Variants in CFAP70 observed in about 807,000 individuals in gnomAD.
CFAP70 encodes cilia- and flagella-associated protein 70.
In CFAP70, 81 loss-of-function variants were observed where a neutral mutation model predicts 137.6. The ratio of observed to expected loss-of-function variants is 0.59; its 90% CI spans 0.49 to 0.71. CFAP70 has a LOEUF of 0.71. CFAP70 is among the 30% of genes least tolerant of loss of function. The pLI, the probability that CFAP70 is intolerant of heterozygous loss-of-function variation, is 0.00. For synonymous variants in CFAP70, 382 were observed against 423.6 expected, an observed-to-expected ratio of 0.90 and a Z score of 1.20; for missense variants, 976 against 1,226.7, an observed-to-expected ratio of 0.80 and a Z score of 3.05.
chr10:73,328,556 T>C (rs1169872097), intron 8 of CFAP70, among the ~76,000 whole-genome samples: 5 of 146,754 alleles, frequency 3.4e-5, no homozygotes, highest in East Asian at 2.2e-4. Flanking sequence ...ACAGGCAACC[T>C]ACAAAATGGG....
chr10:73,354,820 C>T, exon 2 of CFAP70: 1 of 1,611,612 alleles, frequency 6.2e-7, no homozygotes, highest in East Asian at 2.2e-5. Flanking sequence ...AAAAGTCCCT[C>T]TGTTTTCTTT....
At chr10:73,288,296 T>C (rs1433461252) in intron 19 of CFAP70, among the ~76,000 whole-genome samples, 1 of 152,052 alleles carries the variant, frequency 6.6e-6, no homozygotes, top group Non-Finnish European at 1.5e-5. Flanking sequence ...CTGAATAAAT[T>C]AGGCAATTTT....
intron 26 of CFAP70, 184 bp from the exon 28 acceptor site, chr10:73,254,239 A>G (rs2044243876): frequency 2.5e-6 from 1 of 403,500 alleles, no homozygotes; most frequent in Non-Finnish European, 4.4e-6. Context: ...TGTCCTGGTT[A>G]CATGGATATG....
chr10:73,323,385 C>T (rs2051074621), intron 8 of CFAP70, among the ~76,000 whole-genome samples: 1 of 151,950 alleles, frequency 6.6e-6, no homozygotes, highest in African/African-American at 2.4e-5. Flanking sequence ...CTATAGCTCC[C>T]AGCGTGAGCG....
At chr10:73,253,867 A>T in exon 27 of CFAP70, 1 of 817,920 alleles carries the variant, frequency 1.2e-6, no homozygotes, top group Non-Finnish European at 1.9e-6. Context: ...GTCTCTGTTT[A>T]TAGTGAAGAT....
chr10:73,297,116 G>A lies in CFAP70; in HGVS notation c.1570C>T (p.Gln524Ter). The A allele has an allele frequency of 6.2e-7, 1 of 1,613,838 alleles. No individual in the cohort carries two copies. The highest frequency in any genetic ancestry group is 1.1e-5 in the South Asian group (1 of 91,074). The stretch of plus-strand genomic sequence containing the variant: ...CTGATAAATGTCTGAAGTTCCTCCT[G>A]GCTTTCAAATGATGTTGTCTTCAAG... Residue 524 changes from glutamine to a stop codon, truncating the protein, a stop_gained, in exon 15 of 27, where the codon CAG becomes TAG. Coordinates refer to ENST00000310715, the Ensembl canonical transcript of CFAP70. LOFTEE classifies it high-confidence loss of function.
intron 19 of CFAP70, among the ~76,000 whole-genome samples, chr10:73,290,687 A>G (rs2048111028): frequency 6.6e-6 from 1 of 152,198 alleles, no homozygotes; most frequent in Non-Finnish European, 1.5e-5. Flanking sequence ...ACAGCAGGGG[A>G]AAGGGAGTAC....
At chr10:73,269,275 C>T (rs1389147657) in intron 25 of CFAP70, among the ~76,000 whole-genome samples, 2 of 152,178 alleles carry the variant, frequency 1.3e-5, no homozygotes, top group Non-Finnish European at 2.9e-5. Flanking sequence ...CAAGGACAAG[C>T]ACCCTCAGCC....
intron 5 of CFAP70, among the ~76,000 whole-genome samples, chr10:73,342,985 C>T (rs1053444442): frequency 1.5e-4 from 23 of 151,650 alleles, no homozygotes; most frequent in Admixed American, 5.3e-4. Context: ...CCGAGGTGGG[C>T]GGATCACAAG....
rs1011545203 is a variant in CFAP70 at position 73,265,122 on chromosome 10, G to A, written c.3027+4492C>T. Among the ~76,000 whole-genome samples, 7 of 152,088 alleles carry A rather than the reference G, an allele frequency of 4.6e-5. 1 individual carries two copies. The highest frequency in any genetic ancestry group is 1.3e-4 in the Admixed American group (2 of 15,272). On this transcript the variant is annotated intron_variant, in intron 25 of 26. Transcript: ENST00000310715. ...GGGCGGATCACGAGGTCAGGAGATC[G>A]AGACCATCCTGGCTAACACGGTGAA...
chr10:73,358,295 T>C (rs1440792838), intron 1 of CFAP70, among the ~76,000 whole-genome samples: 1 of 152,082 alleles, frequency 6.6e-6, no homozygotes, highest in Non-Finnish European at 1.5e-5. Context: ...AGGACTAAAG[T>C]TATAGTCAGG....
chr10:73,308,798 C>A (rs2049640242), intron 12 of CFAP70, among the ~76,000 whole-genome samples: 5 of 118,200 alleles, frequency 4.2e-5, no homozygotes, highest in Admixed American at 8.1e-5. Context: ...AAGAAGAAAT[C>A]ACAAGAGAAA....
At chr10:73,334,598 T>G (rs78920334) in intron 7 of CFAP70, among the ~76,000 whole-genome samples, 4 of 151,722 alleles carry the variant, frequency 2.6e-5, no homozygotes, top group Admixed American at 1.3e-4. Flanking sequence ...TTTTTTTTTT[T>G]GAGATGGAGT....
intron 8 of CFAP70, among the ~76,000 whole-genome samples, chr10:73,328,154 G>C (rs1478589404): frequency 6.6e-6 from 1 of 152,092 alleles, no homozygotes; most frequent in Non-Finnish European, 1.5e-5. Context: ...TAGATCAATG[G>C]AACAGAACAG....
chr10:73,259,080 G>A (rs1472263632), intron 25 of CFAP70, among the ~76,000 whole-genome samples: 4 of 152,046 alleles, frequency 2.6e-5, no homozygotes, highest in Non-Finnish European at 5.9e-5. Context: ...CTCCCCTTTT[G>A]AAATCCATAA....
chr10:73,319,931 C>T (rs1170615777), intron 9 of CFAP70, among the ~76,000 whole-genome samples: 2 of 152,202 alleles, frequency 1.3e-5, no homozygotes, highest in African/African-American at 4.8e-5. Context: ...TGCTATTTCA[C>T]ATACCTTGCC....
chr10:73,349,595 C>A (rs1386986237), intron 3 of CFAP70, among the ~76,000 whole-genome samples: 1 of 152,012 alleles, frequency 6.6e-6, no homozygotes, highest in African/African-American at 2.4e-5. Flanking sequence ...GCTCTAGATC[C>A]CCCTATATTG....
At chr10:73,317,786 A>T (rs1429392137) in intron 9 of CFAP70, among the ~76,000 whole-genome samples, 1 of 152,094 alleles carries the variant, frequency 6.6e-6, no homozygotes, top group Non-Finnish European at 1.5e-5. Flanking sequence ...GAGTGAGAAG[A>T]CCACGTCTCA....
intron 8 of CFAP70, 147 bp from the exon 10 acceptor site, chr10:73,323,244 C>T (rs1445045825): frequency 1.9e-6 from 1 of 528,178 alleles, no homozygotes; most frequent in Non-Finnish European, 2.9e-6. Context: ...TTACATAAGA[C>T]ATTTTGGGCC....
Sources: allele counts gnomAD v4.1 joint callset (sites outside exome capture counted in the v4.1 genomes callset), GRCh38; gene constraint gnomAD v4.1.1; transcripts MANE v1.5; gene names NCBI Gene and HGNC (gene_info 2026-07-23, HGNC 2026-07-21).